The following CTNNA3 variants were observed in gnomAD, a reference collection of about 807,000 sequenced individuals.
CTNNA3 encodes the protein catenin alpha-3.
Under a neutral mutation model 95.7 loss-of-function variants are expected in CTNNA3, and 76 were observed. That is an observed-to-expected ratio of 0.79 (90% CI 0.66 to 0.96). The LOEUF (loss-of-function observed/expected upper bound fraction) is 0.96, where lower values mean the gene tolerates loss of function less well. CTNNA3 is among the 40% of genes least tolerant of loss of function. CTNNA3 has a pLI of 0.00. For synonymous variants in CTNNA3, 431 were observed against 374.4 expected, an observed-to-expected ratio of 1.15 and a Z score of -1.74; for missense variants, 1,191 against 1,089.8, an observed-to-expected ratio of 1.09 and a Z score of -1.31.
chr10:66,987,480 C>A (rs1295468545), intron 7 of CTNNA3, among the ~76,000 whole-genome samples: 4 of 152,012 alleles, frequency 2.6e-5, no homozygotes, highest in Non-Finnish European at 5.9e-5. Flanking sequence ...TCCGAGATGC[C>A]CAGAAAGACT....
At position 66,263,301 on chromosome 10, in the gene CTNNA3, G is replaced by A. The variant is rs374485170; in HGVS notation, c.1884+17169C>T. 7.9e-5 allele frequency among the ~76,000 whole-genome samples: 12 copies of A among 151,978 alleles called. No individual in the cohort carries two copies. In the East Asian group the frequency reaches 1.4e-3, roughly 17 times the overall value. The stretch of plus-strand genomic sequence containing the variant: ...AATGGCTCCCTGCAGATATTCATAA[G>A]GATATAAGAAAGAAGAGGCTTTCCA... On this transcript the variant is annotated intron_variant, in intron 13 of 17. Coordinates refer to ENST00000433211, the MANE Select transcript of CTNNA3 (RefSeq NM_013266.4).
intron 7 of CTNNA3, among the ~76,000 whole-genome samples, chr10:67,139,706 C>T (rs909364145): frequency 6.6e-6 from 1 of 152,084 alleles, no homozygotes; most frequent in Non-Finnish European, 1.5e-5. Context: ...AGCCACTGCG[C>T]CCAACCTAAA....
At chr10:66,487,447 C>T (rs1169364828) in intron 11 of CTNNA3, among the ~76,000 whole-genome samples, 1 of 151,732 alleles carries the variant, frequency 6.6e-6, no homozygotes, top group Non-Finnish European at 1.5e-5. Flanking sequence ...GTGATCCGCC[C>T]GTCTCGGCTT....
intron 9 of CTNNA3, among the ~76,000 whole-genome samples, chr10:66,660,710 A>G (rs1289912984): frequency 6.6e-6 from 1 of 152,098 alleles, no homozygotes; most frequent in East Asian, 1.9e-4. Flanking sequence ...CACTTCTTTA[A>G]TTCTTTTCAG....
chr10:66,310,100 A>G (rs1185654824), intron 12 of CTNNA3, among the ~76,000 whole-genome samples: 1 of 151,572 alleles, frequency 6.6e-6, no homozygotes, highest in Non-Finnish European at 1.5e-5. Flanking sequence ...CCTGGGCGAC[A>G]GGGTGAGACT....
At chr10:67,612,917 G>A (rs73268181) in intron 2 of CTNNA3, among the ~76,000 whole-genome samples, 10 of 152,202 alleles carry the variant, frequency 6.6e-5, no homozygotes, top group Admixed American at 1.3e-4. Context: ...TTCATGAAGC[G>A]TCTTCTGAGA....
At chr10:67,668,048 C>G (rs1483156525) in intron 1 of CTNNA3, among the ~76,000 whole-genome samples, 1 of 152,106 alleles carries the variant, frequency 6.6e-6, no homozygotes, top group Non-Finnish European at 1.5e-5. Context: ...CTTAATTCTA[C>G]TTTACTTTTC....
intron 15 of CTNNA3, among the ~76,000 whole-genome samples, chr10:65,998,075 T>C (rs546041573): frequency 2.0e-5 from 3 of 152,328 alleles, no homozygotes; most frequent in African/African-American, 7.2e-5. Flanking sequence ...TGGAGTCATG[T>C]TATCTTGGTT....
intron 11 of CTNNA3, among the ~76,000 whole-genome samples, chr10:66,448,713 A>G (rs955761604): frequency 6.6e-6 from 1 of 152,018 alleles, no homozygotes; most frequent in Admixed American, 6.6e-5. Context: ...GCATTAGGAG[A>G]TATATCTGAT....
chr10:67,598,282 TG>T (rs1391084000), intron 3 of CTNNA3, among the ~76,000 whole-genome samples: 1 of 152,072 alleles, frequency 6.6e-6, no homozygotes, highest in African/African-American at 2.4e-5. Context: ...CAAATGTCTA[TG>T]GGGATCATGG....
At position 66,978,552 on chromosome 10, in the gene CTNNA3, A is replaced by AAATAAAAAAAATAAAAAATATATATATAT; in HGVS notation, c.1047+201764_1047+201765insATATATATATATTTTTTATTTTTTTTATT. Among the ~76,000 whole-genome samples, 6 of 37,866 alleles carry AAATAAAAAAAATAAAAAATATATATATAT rather than the reference A, an allele frequency of 1.6e-4. No individual in the cohort carries two copies. In the Admixed American group the frequency reaches 1.9e-3, roughly 12 times the overall value. 24.8% of individuals were successfully genotyped at this position (37,866 alleles called of 152,430 possible). ...AAAAAAAAAAAAAAAAAAAAAAAAA[A>AAATAAAAAAAATAAAAAATATATATATAT]ATATATATATATATATATAGTATGG... is the stretch of plus-strand genomic sequence containing the variant. On this transcript the variant is annotated intron_variant, in intron 7 of 17. Transcript: ENST00000433211.
At chr10:67,080,494 AT>A (rs930179588) in intron 7 of CTNNA3, among the ~76,000 whole-genome samples, 13 of 151,764 alleles carry the variant, frequency 8.6e-5, no homozygotes, top group African/African-American at 2.7e-4. Flanking sequence ...CTGACATGAG[AT>A]TTTTTTTTCT....
At chr10:66,779,873 G>A (rs79224017) in intron 7 of CTNNA3, among the ~76,000 whole-genome samples, 2,362 of 152,172 alleles carry the variant, frequency 0.016, 47 homozygotes, top group African/African-American at 0.054. Flanking sequence ...AGAACTAGTC[G>A]CTGCCTTTCA....
intron 1 of CTNNA3, among the ~76,000 whole-genome samples, chr10:67,702,011 G>T (rs1379238881): frequency 6.6e-6 from 1 of 152,078 alleles, no homozygotes; most frequent in African/African-American, 2.4e-5. Flanking sequence ...AACCAACAAA[G>T]ATCAAAAGAG....
intron 13 of CTNNA3, among the ~76,000 whole-genome samples, chr10:66,233,435 A>G (rs2089691073): frequency 6.6e-6 from 1 of 152,160 alleles, no homozygotes; most frequent in Non-Finnish European, 1.5e-5. Context: ...TCATCAGACC[A>G]ATGAATAACA....
Position 66,895,054 on chromosome 10 carries a change from CA to C in CTNNA3, c.1048-119531del, listed in dbSNP as rs537843933. The stretch of plus-strand genomic sequence containing the variant: ...ATAGAGAAAAAGTGAAACAAATAAA[CA>C]AAAAAAAAAAAAAAAAAGAAAGTGT... On this transcript the variant is annotated intron_variant, in intron 7 of 17. Coordinates refer to ENST00000433211, the MANE Select transcript of CTNNA3 (RefSeq NM_013266.4). Among the ~76,000 whole-genome samples, 38 of 115,548 alleles carry C rather than the reference CA, an allele frequency of 3.3e-4. 1 individual carries two copies. The highest frequency in any genetic ancestry group is 1.1e-3 in the South Asian group (4 of 3,494). 75.8% of individuals were successfully genotyped at this position (115,548 alleles called of 152,430 possible).
chr10:67,592,431 C>G (rs918123745), intron 3 of CTNNA3, among the ~76,000 whole-genome samples: 5 of 152,072 alleles, frequency 3.3e-5, no homozygotes, highest in African/African-American at 1.2e-4. Flanking sequence ...AGAGAAGAAG[C>G]TGCTGGACAC....
chr10:66,827,249 A>T (rs1039004781), intron 7 of CTNNA3, among the ~76,000 whole-genome samples: 3 of 151,940 alleles, frequency 2.0e-5, no homozygotes, highest in Non-Finnish European at 4.4e-5. Context: ...TTTTGTTTTA[A>T]CTTGTCCTGC....
chr10:66,338,316 A>C (rs1414048307), intron 12 of CTNNA3, among the ~76,000 whole-genome samples: 1 of 152,038 alleles, frequency 6.6e-6, no homozygotes, highest in African/African-American at 2.4e-5. Flanking sequence ...TTAATAGCAA[A>C]TAGACATAAG....
Sources: gnomAD v4.1 joint callset for allele counts (sites outside exome capture counted in the v4.1 genomes callset) on GRCh38, gnomAD v4.1.1 for gene constraint, MANE v1.5 for transcripts, NCBI Gene and HGNC (gene_info 2026-07-23, HGNC 2026-07-21) for gene names.